MRRF: variants seen among roughly 807,000 people sequenced by gnomAD.
MRRF encodes the protein ribosome-recycling factor, mitochondrial.
MRRF carries 18 observed loss-of-function variants against 25.1 expected under a neutral mutation model. The observed-to-expected ratio is 0.72, with a 90% confidence interval of 0.50 to 1.06. The LOEUF (loss-of-function observed/expected upper bound fraction) is 1.06. MRRF is among the 50% of genes least tolerant of loss of function. The pLI is 0.00. For synonymous variants in MRRF, 113 were observed against 112.1 expected, an observed-to-expected ratio of 1.01 and a Z score of -0.05; for missense variants, 323 against 319.3, an observed-to-expected ratio of 1.01 and a Z score of -0.09.
chr9:122,297,743 C>T (rs1588052693), intron 5 of MRRF, among the ~76,000 whole-genome samples: 1 of 152,044 alleles, frequency 6.6e-6, no homozygotes, highest in East Asian at 1.9e-4. Flanking sequence ...GTGGCTCTTG[C>T]CCTTGATTGA....
At chr9:122,310,819 A>T (rs147062309) in intron 5 of MRRF, among the ~76,000 whole-genome samples, 3 of 152,372 alleles carry the variant, frequency 2.0e-5, no homozygotes, top group African/African-American at 7.2e-5. Context: ...ACTCTAGTGC[A>T]TACTCACAGA....
rs1182496884 is a variant in MRRF, at chr9:122,327,377, G to T, written c.*4760G>T. ...TTGAAACCACTCAGTGAAACTTTGCGGTTAGACAAAGAGTGATCATAAAAG... is the reference window on the plus strand; with the variant it reads ...TTGAAACCACTCAGTGAAACTTTGCTGTTAGACAAAGAGTGATCATAAAAG... On this transcript the variant is annotated 3_prime_UTR_variant, in exon 7 of 7. Coordinates refer to ENST00000344641, the MANE Select transcript of MRRF (RefSeq NM_138777.5). 1.3e-5 allele frequency: 2 copies of T among 152,076 alleles called. No individual in the cohort carries two copies. The highest frequency in any genetic ancestry group is 1.9e-4 in the East Asian group (1 of 5,196). The allele number at this position is 152,076 out of a possible 1,614,324, so 9.4% of individuals were successfully genotyped here.
At chr9:122,293,269 A>T (rs1049295028) in intron 5 of MRRF, among the ~76,000 whole-genome samples, 1 of 152,318 alleles carries the variant, frequency 6.6e-6, no homozygotes, top group South Asian at 2.1e-4. Context: ...AGTGCCACAC[A>T]TTATCCTGTA....
At chr9:122,280,336 C>G (rs1833022407) in intron 2 of MRRF, 107 bp from the exon 3 acceptor site, 4 of 1,220,464 alleles carry the variant, frequency 3.3e-6, no homozygotes. Flanking sequence ...TTATAATTTT[C>G]TAACACTTGA....
rs112856767 is a variant in MRRF, at chr9:122,314,265, T to TTA, written c.711+883_711+884dup. On this transcript the variant is annotated intron_variant, in intron 6 of 6. Coordinates refer to ENST00000344641, the MANE Select transcript of MRRF (RefSeq NM_138777.5). Reference sequence around the variant, plus strand: ...ATCTTGGATTGGGTTCAAATCTGCTTTATATCTCTCAATCTTCCAAAGCCA... The same window carrying TTA: ...ATCTTGGATTGGGTTCAAATCTGCTTTATATATCTCTCAATCTTCCAAAGCCA... 9.8e-3 allele frequency among the ~76,000 whole-genome samples: 1,487 copies of TTA among 152,246 alleles called. 22 individuals carry two copies. Among genetic ancestry groups the TTA allele is most frequent in the African/African-American group, 0.034 (1,425 of 41,516 alleles).
At chr9:122,316,840 A>T in intron 6 of MRRF, among the ~76,000 whole-genome samples, 1 of 151,536 alleles carries the variant, frequency 6.6e-6, no homozygotes, top group Non-Finnish European at 1.5e-5. Context: ...AAAAAACTAC[A>T]TAGTTTTAAA....
intron 5 of MRRF, among the ~76,000 whole-genome samples, chr9:122,307,883 TGA>T (rs1834953231): frequency 6.6e-6 from 1 of 152,198 alleles, no homozygotes; most frequent in African/African-American, 2.4e-5. Context: ...TGTCATTACC[TGA>T]GCTGAGCCTG....
At chr9:122,271,835 A>T (rs1832482117) in intron 2 of MRRF, among the ~76,000 whole-genome samples, 1 of 152,222 alleles carries the variant, frequency 6.6e-6, no homozygotes, top group South Asian at 2.1e-4. Context: ...CAGTCACACC[A>T]GCAATTTGCA....
rs1470628439 is a variant in MRRF at position 122,327,748 on chromosome 9, C to T, written c.*5131C>T. The T allele has an allele frequency of 6.6e-6, 1 of 152,058 alleles. No individual in the cohort carries two copies. Among genetic ancestry groups the T allele is most frequent in the Non-Finnish European group, 1.5e-5 (1 of 68,020 alleles). 9.4% of individuals were successfully genotyped at this position (152,058 alleles called of 1,614,324 possible). On this transcript the variant is annotated 3_prime_UTR_variant, in exon 7 of 7. Coordinates refer to ENST00000344641, the MANE Select transcript of MRRF (RefSeq NM_138777.5). ...TACATCTTCTTTATTTCATTCAGTG[C>T]TCTTAGTCTGAATTTTATCTTGTTG...
At chr9:122,306,349 C>T (rs1317447075) in intron 5 of MRRF, among the ~76,000 whole-genome samples, 1 of 152,154 alleles carries the variant, frequency 6.6e-6, no homozygotes, top group Admixed American at 6.5e-5. Flanking sequence ...CATTTATTAG[C>T]TTGTTTAATC....
intron 2 of MRRF, among the ~76,000 whole-genome samples, chr9:122,274,554 G>GTGTGTGTT (rs1832663009): frequency 6.6e-6 from 1 of 151,540 alleles, no homozygotes; most frequent in South Asian, 2.1e-4. Flanking sequence ...GTGTGTGTGT[G>GTGTGTGTT]TGTGTGTGTG....
chr9:122,295,257 C>G (rs1376765261), intron 5 of MRRF, among the ~76,000 whole-genome samples: 1 of 152,078 alleles, frequency 6.6e-6, no homozygotes, highest in Non-Finnish European at 1.5e-5. Context: ...TCCATCATCC[C>G]CTTTCACAAA....
At chr9:122,316,452 A>G (rs1835532766) in intron 6 of MRRF, among the ~76,000 whole-genome samples, 3 of 152,308 alleles carry the variant, frequency 2.0e-5, no homozygotes. Flanking sequence ...CTGGGATTAC[A>G]GGCATGAGTG....
At position 122,327,613 on chromosome 9, in the gene MRRF, A is replaced by T. The variant is rs1318364431; in HGVS notation, c.*4996A>T. The stretch of plus-strand genomic sequence containing the variant: ...TTGGACTGAAAGTGGTGTGTTTCAG[A>T]CCCCTGCTATTAACATTTCTGTTCC... On this transcript the variant is annotated 3_prime_UTR_variant, in exon 7 of 7. Coordinates refer to ENST00000344641, the MANE Select transcript of MRRF (RefSeq NM_138777.5). 1 of 152,090 alleles carries T rather than the reference A, an allele frequency of 6.6e-6. No homozygotes were observed. Among genetic ancestry groups the T allele is most frequent in the African/African-American group, 2.4e-5 (1 of 41,418 alleles). 9.4% of individuals were successfully genotyped at this position (152,090 alleles called of 1,614,324 possible).
chr9:122,316,646 T>G (rs1322263899), intron 6 of MRRF, among the ~76,000 whole-genome samples: 3 of 152,240 alleles, frequency 2.0e-5, no homozygotes, highest in African/African-American at 7.2e-5. Context: ...GTTTTAAAGA[T>G]ATAAAACAAG....
chr9:122,322,902 A>G lies in MRRF; in HGVS notation c.*285A>G. The G allele has an allele frequency of 3.8e-6, 2 of 527,716 alleles. No homozygotes were observed. The highest frequency in any genetic ancestry group is 3.4e-6 in the Non-Finnish European group (1 of 290,916). 32.7% of individuals were successfully genotyped at this position (527,716 alleles called of 1,614,324 possible). ...TTGATGTTGCCAAGGGACTGAGGCC[A>G]TTGGCAGGCTTAGTACCACCTGCTC... On this transcript the variant is annotated 3_prime_UTR_variant, in exon 7 of 7. Coordinates refer to ENST00000344641, the MANE Select transcript of MRRF (RefSeq NM_138777.5).
chr9:122,280,140 A>G (rs958630804), intron 2 of MRRF, among the ~76,000 whole-genome samples: 1 of 152,200 alleles, frequency 6.6e-6, no homozygotes, highest in Non-Finnish European at 1.5e-5. Context: ...ATTCTTTTAC[A>G]GGTAGGGAAC....
chr9:122,298,420 A>G (rs1353105214), intron 5 of MRRF, among the ~76,000 whole-genome samples: 1 of 152,166 alleles, frequency 6.6e-6, no homozygotes, highest in East Asian at 1.9e-4. Context: ...AATAAAATGA[A>G]TCAATTTCAA....
chr9:122,313,362 C>T lies in MRRF; in HGVS notation c.687C>T (p.Asp229=). 5.0e-6 allele frequency: 8 copies of T among 1,614,078 alleles called. No individual in the cohort carries two copies. Among genetic ancestry groups the T allele is most frequent in the Non-Finnish European group, 5.9e-6 (7 of 1,179,942 alleles). Reference sequence around the variant, plus strand: ...AATCCAAGGATACAGTCTCAGAGGACACCATTAGGCTAATAGAGAAACAGG... The same window carrying T: ...AATCCAAGGATACAGTCTCAGAGGATACCATTAGGCTAATAGAGAAACAGG... ...LKKSKDTVSE[D]TIRLIEKQIS... Residue 229 remains aspartate (D), a synonymous_variant, in exon 6 of 7, where the codon GAC becomes GAT. Coordinates refer to ENST00000344641, the MANE Select transcript of MRRF (RefSeq NM_138777.5).
Sources: allele counts gnomAD v4.1 joint callset (sites outside exome capture counted in the v4.1 genomes callset), GRCh38; gene constraint gnomAD v4.1.1; transcripts MANE v1.5; gene names NCBI Gene and HGNC (gene_info 2026-07-23, HGNC 2026-07-21).